ELP2: variants seen among roughly 807,000 people sequenced by gnomAD.
ELP2 encodes the protein elongator complex protein 2.
A neutral mutation model predicts 119.2 loss-of-function variants in ELP2; 90 were observed. The observed-to-expected ratio is 0.75, with a 90% CI of 0.64 to 0.90. The LOEUF (loss-of-function observed/expected upper bound fraction) is 0.90, where lower values mean the gene tolerates loss of function less well. ELP2 is among the 40% of genes least tolerant of loss of function. The pLI is 0.00. For missense variants in ELP2, 921 were observed against 967.8 expected, an observed-to-expected ratio of 0.95 and a Z score of 0.64; for synonymous variants, 339 against 331.0, an observed-to-expected ratio of 1.02 and a Z score of -0.26.
At chr18:36,166,460 A>G (rs2090911284) in intron 18 of ELP2, among the ~76,000 whole-genome samples, 2 of 149,258 alleles carry the variant, frequency 1.3e-5, no homozygotes, top group Admixed American at 1.4e-4. Context: ...CCTCCTGAGT[A>G]GCTGGGATTA....
intron 11 of ELP2, among the ~76,000 whole-genome samples, chr18:36,154,031 T>C (rs1657570904): frequency 6.6e-6 from 1 of 152,074 alleles, no homozygotes; most frequent in African/African-American, 2.4e-5. Flanking sequence ...GAATCAGTTT[T>C]TGTTCACAGA....
chr18:36,141,414 G>C, intron 6 of ELP2: 1 of 560,194 alleles, frequency 1.8e-6, no homozygotes, highest in Non-Finnish European at 3.2e-6. Flanking sequence ...AGTTGTTAGG[G>C]GGAAACAGGT....
intron 21 of ELP2, 73 bp from the exon 22 acceptor site, chr18:36,174,412 A>T: frequency 7.0e-7 from 1 of 1,437,390 alleles, no homozygotes; most frequent in Non-Finnish European, 9.6e-7. Flanking sequence ...TTCAATTTTC[A>T]GGTTTTAACT....
At chr18:36,155,174 ATCT>A (rs1237685843) in intron 12 of ELP2, among the ~76,000 whole-genome samples, 175 bp downstream of exon 12, 6 of 148,494 alleles carry the variant, frequency 4.0e-5, no homozygotes, top group South Asian at 2.2e-4. Context: ...CACCACACCC[ATCT>A]TCTTTTTGTA....
At chr18:36,135,225 T>G (rs2089783306) in intron 2 of ELP2, among the ~76,000 whole-genome samples, 1 of 152,272 alleles carries the variant, frequency 6.6e-6, no homozygotes, top group South Asian at 2.1e-4. Context: ...TGTGTATTAC[T>G]GTAATCTATA....
At chr18:36,148,787 G>T (rs916720836) in intron 11 of ELP2, among the ~76,000 whole-genome samples, 4 of 152,170 alleles carry the variant, frequency 2.6e-5, no homozygotes, top group African/African-American at 9.7e-5. Flanking sequence ...GACGCAGGAG[G>T]ATTGTGTGAG....
intron 12 of ELP2, among the ~76,000 whole-genome samples, chr18:36,155,571 A>AT (rs2090547751): frequency 6.6e-6 from 1 of 152,000 alleles, no homozygotes; most frequent in Non-Finnish European, 1.5e-5. Context: ...TGGACATTTT[A>AT]TTTTTTGTTT....
At chr18:36,168,614 TA>T (rs2090975105) in intron 19 of ELP2, among the ~76,000 whole-genome samples, 1 of 152,164 alleles carries the variant, frequency 6.6e-6, no homozygotes, top group African/African-American at 2.4e-5. Flanking sequence ...AGCATGGAGG[TA>T]ACCGCCCCCA....
chr18:36,165,749 G>A (rs1359301262), intron 18 of ELP2, among the ~76,000 whole-genome samples: 1 of 152,124 alleles, frequency 6.6e-6, no homozygotes, highest in Non-Finnish European at 1.5e-5. Flanking sequence ...GGGCGTGGTG[G>A]TGCACGCCTG....
In ELP2 at chr18:36,176,772, A is replaced by G. The variant is rs1195725917; in HGVS notation, c.*2131A>G. The G allele has an allele frequency of 1.3e-5, 2 of 152,236 alleles. No individual in the cohort carries two copies. Among genetic ancestry groups the G allele is most frequent in the East Asian group, 1.9e-4 (1 of 5,200 alleles). The allele number at this position is 152,236 out of a possible 1,614,324, so 9.4% of individuals were successfully genotyped here. ...GTAATTCATAATATTGAAGCGATTC[A>G]TAATATCTGAAGCAATCCCCAGATA... On this transcript the variant is annotated 3_prime_UTR_variant, in exon 22 of 22. Transcript: ENST00000358232.
rs777447337 is a variant in ELP2, at chr18:36,158,817, T to C, written c.1465-18T>C. ...AACTTTAGCATTTATAACTTAGATATTATATTTTCTATTCTAGCAAGATAG... is the reference window on the plus strand; with the variant it reads ...AACTTTAGCATTTATAACTTAGATACTATATTTTCTATTCTAGCAAGATAG... On this transcript the variant is annotated intron_variant, in intron 13 of 21. Transcript: ENST00000358232. The C allele has an allele frequency of 1.3e-6, 2 of 1,518,092 alleles. No homozygotes were observed. Among genetic ancestry groups the C allele is most frequent in the South Asian group, 1.1e-5 (1 of 88,350 alleles). The allele number at this position is 1,518,092 out of a possible 1,614,324, so 94.0% of individuals were successfully genotyped here.
chr18:36,147,354 G>T (rs1179017230), intron 11 of ELP2, among the ~76,000 whole-genome samples: 1 of 151,976 alleles, frequency 6.6e-6, no homozygotes, highest in East Asian at 1.9e-4. Flanking sequence ...TGGGATTACA[G>T]GTGTGAGCCA....
At chr18:36,139,414 C>A in intron 5 of ELP2, 3 of 1,535,138 alleles carry the variant, frequency 2.0e-6, no homozygotes, top group Non-Finnish European at 2.6e-6. Context: ...TCTTTGCCTC[C>A]ACAGTTACCT....
At position 36,156,510 on chromosome 18, in the gene ELP2, C is replaced by T; in HGVS notation, c.1320C>T (p.Asp440=). 1.2e-6 allele frequency: 2 copies of T among 1,614,100 alleles called. No individual in the cohort carries two copies. Among genetic ancestry groups the T allele is most frequent in the Non-Finnish European group, 1.7e-6 (2 of 1,179,996 alleles). The change falls in exon 13 of 22, where the codon GAC becomes GAT. Residue 440 remains aspartate (D), a synonymous_variant. Coordinates refer to ENST00000358232, the MANE Select transcript of ELP2 (RefSeq NM_018255.4). ...EIARPQIHGY[D]LKCLAMINRF... is the part of the protein sequence containing the mutation. ...CAAGGCCTCAGATACATGGGTATGACCTGAAATGTTTGGCAATGATTAATC... is the reference window on the plus strand; with the variant it reads ...CAAGGCCTCAGATACATGGGTATGATCTGAAATGTTTGGCAATGATTAATC...
chr18:36,164,549 C>T lies in ELP2; in HGVS notation c.1836C>T (p.Phe612=). 1 of 1,614,070 alleles carries T rather than the reference C, an allele frequency of 6.2e-7. No homozygotes were observed. Among genetic ancestry groups the T allele is most frequent in the Non-Finnish European group, 8.5e-7 (1 of 1,179,972 alleles). The part of the protein sequence containing the change: ...TSWKQVQNLV[F]HSLTVTQMAF... ...GGAAACAGGTGCAGAATTTAGTTTT[C>T]CACAGTTTGACAGTCACGCAGATGG... The change falls in exon 18 of 22, where the codon TTC becomes TTT. Residue 612 remains phenylalanine (F), a synonymous_variant. Coordinates refer to ENST00000358232, the MANE Select transcript of ELP2 (RefSeq NM_018255.4).
chr18:36,164,912 A>G, intron 18 of ELP2: 1 of 508,846 alleles, frequency 2.0e-6, no homozygotes, highest in East Asian at 3.5e-5. Context: ...GCATTCAGAT[A>G]TCTCAGTTCA....
intron 19 of ELP2, among the ~76,000 whole-genome samples, chr18:36,167,609 A>G (rs1345475884): frequency 6.6e-6 from 1 of 152,016 alleles, no homozygotes; most frequent in Non-Finnish European, 1.5e-5. Flanking sequence ...GTAATAAATG[A>G]TTGTTACCTT....
intron 19 of ELP2, among the ~76,000 whole-genome samples, chr18:36,167,521 G>A (rs1040566985): frequency 6.6e-6 from 1 of 152,152 alleles, no homozygotes; most frequent in African/African-American, 2.4e-5. Context: ...CAAGAAACTA[G>A]GAGGGCAGCG....
Position 36,170,155 on chromosome 18 carries a change from G to T in ELP2, c.2169G>T (p.Val723=). Residue 723 remains valine (V), a synonymous_variant, in exon 20 of 22, where the codon GTG becomes GTT. Coordinates refer to ENST00000358232, the MANE Select transcript of ELP2 (RefSeq NM_018255.4). ...CSSVLDVGGA[V]TAVSVCPVLH... Reference sequence around the variant, plus strand: ...CAGTCCTGGACGTGGGTGGGGCTGTGACAGCTGTCAGCGTCTGCCCAGTGC... The same window carrying T: ...CAGTCCTGGACGTGGGTGGGGCTGTTACAGCTGTCAGCGTCTGCCCAGTGC... 1 of 1,614,110 alleles carries T rather than the reference G, an allele frequency of 6.2e-7. No homozygotes were observed. The highest frequency in any genetic ancestry group is 8.5e-7 in the Non-Finnish European group (1 of 1,180,010).
Sources: allele counts gnomAD v4.1 joint callset (sites outside exome capture counted in the v4.1 genomes callset), GRCh38; gene constraint gnomAD v4.1.1; transcripts MANE v1.5; gene names NCBI Gene and HGNC (gene_info 2026-07-23, HGNC 2026-07-21).